DACH2: variants seen among roughly 807,000 people sequenced by gnomAD.
DACH2 encodes dachshund homolog 2.
A neutral mutation model predicts 35.8 loss-of-function variants in DACH2; 17 were observed. The observed-to-expected ratio is 0.48, with a 90% CI of 0.33 to 0.71. DACH2 has a LOEUF of 0.71. Among genes scored for constraint, DACH2 ranks in the 30% least tolerant of loss-of-function variants. The pLI is 0.02. For synonymous variants in DACH2, 195 were observed against 177.3 expected (o/e 1.10, Z -0.79); for missense variants, 469 against 472.7 (o/e 0.99, Z 0.07).
chrX:86,629,285 C>G (rs953439218), intron 3 of DACH2, among the ~76,000 whole-genome samples: 2 of 111,147 alleles, frequency 1.8e-5, no homozygotes, highest in Non-Finnish European at 3.8e-5. Context: ...CTCCTAGAGT[C>G]ACAATGGTAT....
At chrX:86,330,661 T>C (rs755480539) in intron 1 of DACH2, among the ~76,000 whole-genome samples, 10 of 111,915 alleles carry the variant, frequency 8.9e-5, no homozygotes, top group Admixed American at 6.7e-4. Flanking sequence ...AATTAAATGG[T>C]GTTAATTGAC....
chrX:86,791,023 A>C (rs2042182281), intron 7 of DACH2, among the ~76,000 whole-genome samples: 1 of 111,936 alleles, frequency 8.9e-6, no homozygotes, highest in East Asian at 2.8e-4. Context: ...AATTATAAGG[A>C]ACAGAGGATA....
rs770586444 is a variant in DACH2, at chrX:86,808,780, G to A, written c.1241-4076G>A. On this transcript the variant is annotated intron_variant, in intron 7 of 11. Coordinates refer to ENST00000373125, the MANE Select transcript of DACH2 (RefSeq NM_053281.3). ...GGTAGCTACAATTTTCTACTGCTGAGTTAGTCAGCTGTGTTGTTTATATTC... is the reference window on the plus strand; with the variant it reads ...GGTAGCTACAATTTTCTACTGCTGAATTAGTCAGCTGTGTTGTTTATATTC... Among the ~76,000 whole-genome samples, 16 of 111,194 alleles carry A rather than the reference G, an allele frequency of 1.4e-4. No individual in the cohort carries two copies. The South Asian group carries it at 6.1e-3, about 42-fold the overall frequency.
intron 3 of DACH2, among the ~76,000 whole-genome samples, chrX:86,638,335 T>A (rs1316887784): frequency 2.7e-4 from 30 of 111,941 alleles, no homozygotes; most frequent in Admixed American, 2.7e-3. Context: ...GAGAAACTCA[T>A]CTGGACATTT....
At chrX:86,450,698 G>A (rs2037360334) in intron 2 of DACH2, among the ~76,000 whole-genome samples, 1 of 109,409 alleles carries the variant, frequency 9.1e-6, no homozygotes, top group Non-Finnish European at 1.9e-5. Flanking sequence ...CAGTATAAAA[G>A]GGTTCCTTTT....
At chrX:86,458,140 C>T (rs762006971) in intron 2 of DACH2, among the ~76,000 whole-genome samples, 1 of 111,885 alleles carries the variant, frequency 8.9e-6, no homozygotes, top group African/African-American at 3.2e-5. Flanking sequence ...CTCTTTTTAT[C>T]TTCTCTGAGT....
intron 1 of DACH2, among the ~76,000 whole-genome samples, chrX:86,320,334 T>C (rs1231201639): frequency 8.9e-5 from 10 of 112,423 alleles, no homozygotes; most frequent in African/African-American, 3.2e-4. Flanking sequence ...AAATCCTTTT[T>C]CATTAATTAA....
chrX:86,398,052 G>T (rs1387212293), intron 2 of DACH2, among the ~76,000 whole-genome samples: 2 of 111,867 alleles, frequency 1.8e-5, no homozygotes, highest in African/African-American at 6.5e-5. Flanking sequence ...ATTAATTATT[G>T]CCTCAAATTC....
At chrX:86,720,916 CT>C (rs769951362) in intron 6 of DACH2, among the ~76,000 whole-genome samples, 1 of 112,690 alleles carries the variant, frequency 8.9e-6, no homozygotes, top group Non-Finnish European at 1.9e-5. Context: ...CAATTCTTGT[CT>C]TCTGCACACC....
chrX:86,517,571 C>T (rs1241205091), intron 3 of DACH2, among the ~76,000 whole-genome samples: 1 of 109,726 alleles, frequency 9.1e-6, no homozygotes, highest in Non-Finnish European at 1.9e-5. Flanking sequence ...CACCCACCAC[C>T]ACACCTGGCT....
Position 86,330,396 on chromosome X carries a change from G to T in DACH2, c.489-46428G>T, listed in dbSNP as rs181803799. On this transcript the variant is annotated intron_variant, in intron 1 of 11. Transcript: ENST00000373125. ...TTAATAAATATTATCCCATTTTATT[G>T]CCTGCCTTAGCATTGTACAGTAAAT... Among the ~76,000 whole-genome samples, 586 of 111,110 alleles carry T rather than the reference G, an allele frequency of 5.3e-3. 3 individuals are homozygous for T. The highest frequency in any genetic ancestry group is 0.018 in the African/African-American group (564 of 30,704).
intron 7 of DACH2, among the ~76,000 whole-genome samples, chrX:86,743,255 G>A (rs193117989): frequency 9.1e-4 from 101 of 111,369 alleles, no homozygotes; most frequent in African/African-American, 3.2e-3. Flanking sequence ...GATCTGCTGA[G>A]GTACATGTGT....
At chrX:86,299,091 T>C (rs895759780) in intron 1 of DACH2, among the ~76,000 whole-genome samples, 10 of 112,386 alleles carry the variant, frequency 8.9e-5, no homozygotes, top group African/African-American at 2.9e-4. Context: ...AGTTTCTTTT[T>C]ACTCTGTCAA....
intron 1 of DACH2, among the ~76,000 whole-genome samples, chrX:86,365,498 A>G (rs2035794494): frequency 8.9e-6 from 1 of 111,821 alleles, no homozygotes; most frequent in Non-Finnish European, 1.9e-5. Context: ...AAGTATTACA[A>G]TCAAAGAATA....
intron 3 of DACH2, among the ~76,000 whole-genome samples, chrX:86,601,263 G>A (rs1199728715): frequency 9.0e-6 from 1 of 111,302 alleles, no homozygotes; most frequent in African/African-American, 3.3e-5. Context: ...TTCTATTGGG[G>A]CAGATACTGG....
intron 2 of DACH2, among the ~76,000 whole-genome samples, chrX:86,464,741 G>A: frequency 9.0e-6 from 1 of 111,176 alleles, no homozygotes; most frequent in Non-Finnish European, 1.9e-5. Context: ...AAATATCTGA[G>A]GTAATAGGTA....
chrX:86,809,183 A>G (rs901443724), intron 7 of DACH2, among the ~76,000 whole-genome samples: 1 of 111,664 alleles, frequency 9.0e-6, no homozygotes, highest in South Asian at 3.7e-4. Flanking sequence ...TGTAGTTTAT[A>G]CTATTATGTT....
Position 86,294,425 on chromosome X carries a change from G to A in DACH2, c.489-82399G>A, listed in dbSNP as rs764447341. Among the ~76,000 whole-genome samples the A allele has an allele frequency of 6.7e-3, 736 of 110,267 alleles. 8 individuals carry two copies. The highest frequency in any genetic ancestry group is 0.023 in the African/African-American group (693 of 30,244). On this transcript the variant is annotated intron_variant, in intron 1 of 11. Coordinates refer to ENST00000373125, the MANE Select transcript of DACH2 (RefSeq NM_053281.3). ...GTCTGAAGCCTTCTTCTCTCAGCTTGTCAAAGTCATTATCCATCCAGCTTT... is the reference window on the plus strand; with the variant it reads ...GTCTGAAGCCTTCTTCTCTCAGCTTATCAAAGTCATTATCCATCCAGCTTT...
intron 1 of DACH2, among the ~76,000 whole-genome samples, chrX:86,322,656 T>A (rs1029840504): frequency 8.9e-6 from 1 of 112,244 alleles, no homozygotes; most frequent in Non-Finnish European, 1.9e-5. Context: ...CCTTGATGGA[T>A]GAATCTCAGG....
Sources: allele counts gnomAD v4.1 joint callset (sites outside exome capture counted in the v4.1 genomes callset), GRCh38; gene constraint gnomAD v4.1.1; transcripts MANE v1.5; gene names NCBI Gene and HGNC (gene_info 2026-07-23, HGNC 2026-07-21).